TBC1D5: variants seen among roughly 807,000 people sequenced by gnomAD.
TBC1D5 encodes TBC1 domain family, member 5.
A neutral mutation model predicts 100.3 loss-of-function variants in TBC1D5; 75 were observed. That is an observed-to-expected ratio of 0.75 (90% CI 0.62 to 0.91). The LOEUF is 0.91. TBC1D5 is among the 40% of genes least tolerant of loss of function. The pLI, the probability that TBC1D5 is intolerant of heterozygous loss-of-function variation, is 0.00. For synonymous variants in TBC1D5, 323 were observed against 325.6 expected (o/e 0.99, Z 0.09); for missense variants, 910 against 942.4 (o/e 0.97, Z 0.45).
chr3:17,710,385 T>G (rs1177077292), intron 1 of TBC1D5, among the ~76,000 whole-genome samples: 3 of 151,618 alleles, frequency 2.0e-5, no homozygotes, highest in Non-Finnish European at 4.4e-5. Context: ...ACCAACATGG[T>G]GAAACCCCAT....
chr3:17,185,501 T>C (rs1397298650), intron 18 of TBC1D5, among the ~76,000 whole-genome samples: 4 of 152,224 alleles, frequency 2.6e-5, no homozygotes, highest in Non-Finnish European at 5.9e-5. Context: ...TATTTGCATA[T>C]ACAACCTTGT....
chr3:17,426,413 C>T (rs934925805), intron 4 of TBC1D5, among the ~76,000 whole-genome samples: 1 of 152,060 alleles, frequency 6.6e-6, no homozygotes, highest in African/African-American at 2.4e-5. Context: ...GAAAAATATT[C>T]ATTTCACACC....
rs542088681 is a variant in TBC1D5, at chr3:17,564,723, G to A, written c.-35-56118C>T. Among the ~76,000 whole-genome samples, 3 of 152,164 alleles carry A rather than the reference G, an allele frequency of 2.0e-5. No individual in the cohort carries two copies. The East Asian group carries it at 5.8e-4, about 29-fold the overall frequency. On this transcript the variant is annotated intron_variant, in intron 2 of 21. Coordinates refer to ENST00000253692, the Ensembl canonical transcript of TBC1D5. ...CATCAAATCCTCACCTCTCTCTTAA[G>A]TAGTCAGCATAGACAAATGGCTATC...
chr3:17,282,714 C>A (rs2080744391), intron 15 of TBC1D5, among the ~76,000 whole-genome samples: 1 of 152,166 alleles, frequency 6.6e-6, no homozygotes, highest in African/African-American at 2.4e-5. Flanking sequence ...TTATTTTCAG[C>A]AAATATTGTT....
At chr3:17,501,504 C>G (rs2095788043) in intron 3 of TBC1D5, among the ~76,000 whole-genome samples, 1 of 149,148 alleles carries the variant, frequency 6.7e-6, no homozygotes, top group Non-Finnish European at 1.5e-5. Context: ...CCCTGTTACT[C>G]TTAGACATCA....
chr3:17,367,636 A>G (rs2092232499), intron 13 of TBC1D5, among the ~76,000 whole-genome samples: 1 of 152,178 alleles, frequency 6.6e-6, no homozygotes, highest in Non-Finnish European at 1.5e-5. Flanking sequence ...GGGCGGGCAG[A>G]TCACTCAAGG....
chr3:17,415,913 A>G (rs554236507), intron 4 of TBC1D5, among the ~76,000 whole-genome samples: 2 of 152,310 alleles, frequency 1.3e-5, no homozygotes, highest in African/African-American at 4.8e-5. Flanking sequence ...GATATCTAAC[A>G]TTCTATAACA....
At chr3:17,459,687 C>T (rs1183660228) in intron 3 of TBC1D5, among the ~76,000 whole-genome samples, 1 of 151,510 alleles carries the variant, frequency 6.6e-6, no homozygotes, top group African/African-American at 2.4e-5. Context: ...TGCCTGAGCC[C>T]AGGAGTTCAG....
intron 3 of TBC1D5, among the ~76,000 whole-genome samples, chr3:17,484,237 T>A (rs552710622): frequency 1.9e-4 from 29 of 152,302 alleles, no homozygotes; most frequent in African/African-American, 6.3e-4. Context: ...ATGAAACCTG[T>A]CACACTCCTG....
chr3:17,733,219 T>C (rs2076704680), intron 1 of TBC1D5, among the ~76,000 whole-genome samples: 1 of 152,254 alleles, frequency 6.6e-6, no homozygotes, highest in African/African-American at 2.4e-5. Flanking sequence ...CTATCTTCAC[T>C]GCATCCAGGT....
chr3:17,419,238 C>T (rs181544168), intron 4 of TBC1D5, among the ~76,000 whole-genome samples: 92 of 152,316 alleles, frequency 6.0e-4, no homozygotes, highest in African/African-American at 2.1e-3. Context: ...TACAAGAACA[C>T]TTGCCAGACA....
intron 14 of TBC1D5, among the ~76,000 whole-genome samples, chr3:17,306,272 A>G (rs879377044): frequency 5.9e-5 from 9 of 152,104 alleles, no homozygotes; most frequent in Non-Finnish European, 1.2e-4. Context: ...CATCCCAACT[A>G]TAGTACCAAA....
chr3:17,630,961 G>A (rs1054230669), intron 1 of TBC1D5, among the ~76,000 whole-genome samples: 3 of 148,948 alleles, frequency 2.0e-5, no homozygotes, highest in Non-Finnish European at 4.4e-5. Flanking sequence ...GGAGAATGGT[G>A]TGAACCCGGG....
intron 4 of TBC1D5, among the ~76,000 whole-genome samples, chr3:17,408,499 C>A (rs1378366636): frequency 6.6e-6 from 1 of 151,980 alleles, no homozygotes; most frequent in African/African-American, 2.4e-5. Flanking sequence ...ACTTTTGTAA[C>A]TTTTTGTAGA....
At chr3:17,588,669 G>T (rs375392597) in intron 2 of TBC1D5, among the ~76,000 whole-genome samples, 1 of 152,026 alleles carries the variant, frequency 6.6e-6, no homozygotes, top group East Asian at 1.9e-4. Context: ...GAGAATTTAG[G>T]ATAGATGAAA....
intron 2 of TBC1D5, among the ~76,000 whole-genome samples, chr3:17,622,205 C>T (rs1237851846): frequency 6.6e-6 from 1 of 152,176 alleles, no homozygotes; most frequent in African/African-American, 2.4e-5. Context: ...ATACACAATT[C>T]GTAACAGGGT....
At chr3:17,639,091 T>A (rs2064248443) in intron 1 of TBC1D5, among the ~76,000 whole-genome samples, 1 of 152,124 alleles carries the variant, frequency 6.6e-6, no homozygotes, top group African/African-American at 2.4e-5. Context: ...TTATTAATAA[T>A]AGCCAAAAAC....
intron 1 of TBC1D5, among the ~76,000 whole-genome samples, chr3:17,668,120 C>T (rs2067490113): frequency 6.8e-6 from 1 of 147,788 alleles, no homozygotes; most frequent in African/African-American, 2.5e-5. Context: ...TTTAATTTCA[C>T]TTAAAAATAT....
rs753166308 is a variant in TBC1D5 at position 17,238,161 on chromosome 3, A to G, written c.1588+2T>C. 1 of 1,609,980 alleles carries G rather than the reference A, an allele frequency of 6.2e-7. No individual in the cohort carries two copies. The highest frequency in any genetic ancestry group is 8.5e-7 in the Non-Finnish European group (1 of 1,178,276). On this transcript the variant is annotated splice_donor_variant, in intron 17 of 21. Transcript: ENST00000253692. LOFTEE classifies it high-confidence loss of function. ...TTTAGATTTACTAGTATTTTTTCCT[A>G]CCTTTGTTCAATTGCACAGGCATGC...
Sources: gnomAD v4.1 joint callset for allele counts (sites outside exome capture counted in the v4.1 genomes callset) on GRCh38, gnomAD v4.1.1 for gene constraint, MANE v1.5 for transcripts, NCBI Gene and HGNC (gene_info 2026-07-23, HGNC 2026-07-21) for gene names.